Variants in LRRC7 observed in about 807,000 individuals in gnomAD.
LRRC7 encodes leucine-rich repeat-containing protein 7.
In LRRC7, 23 loss-of-function variants were observed where a neutral mutation model predicts 175.7. The observed-to-expected ratio is 0.13, with a 90% CI of 0.09 to 0.19. The LOEUF (loss-of-function observed/expected upper bound fraction) is 0.19, where lower values mean the gene tolerates loss of function less well. LRRC7 is among the 10% of genes least tolerant of loss of function. The pLI is 1.00. For synonymous variants in LRRC7, 685 were observed against 680.9 expected, an observed-to-expected ratio of 1.01 and a Z score of -0.09; for missense variants, 1,354 against 1,904.7, an observed-to-expected ratio of 0.71 and a Z score of 5.38.
rs542229366 is a variant in LRRC7 at position 69,830,304 on chromosome 1, T to G, written c.501-4476T>G. On this transcript the variant is annotated intron_variant, in intron 5 of 26. Transcript: ENST00000651989. Reference sequence around the variant, plus strand: ...AGTAGAGTGACCAAGTGTCTCTGTTTGCCCAAATCATCTCTGTTTACTATT... The same window carrying G: ...AGTAGAGTGACCAAGTGTCTCTGTTGGCCCAAATCATCTCTGTTTACTATT... 7.2e-5 allele frequency among the ~76,000 whole-genome samples: 11 copies of G among 151,968 alleles called. No homozygotes were observed. The South Asian group carries it at 2.3e-3, about 32-fold the overall frequency.
At chr1:69,807,623 C>T (rs922820252) in intron 4 of LRRC7, among the ~76,000 whole-genome samples, 1 of 151,982 alleles carries the variant, frequency 6.6e-6, no homozygotes, top group African/African-American at 2.4e-5. Context: ...TGAATATTGC[C>T]CCCGACTCTC....
intron 1 of LRRC7, among the ~76,000 whole-genome samples, chr1:69,570,727 T>C (rs1381303690): frequency 6.6e-6 from 1 of 152,182 alleles, no homozygotes; most frequent in African/African-American, 2.4e-5. Context: ...AATGAAGTCT[T>C]TACTTTTTAG....
intron 7 of LRRC7, chr1:69,919,788 G>A (rs1056413477): frequency 1.1e-6 from 1 of 869,836 alleles, no homozygotes; most frequent in Middle Eastern, 2.3e-4. Context: ...GGGGAGATGA[G>A]CGGGACAGTG....
chr1:69,936,463 TTTAA>T (rs1195500722), intron 8 of LRRC7, among the ~76,000 whole-genome samples: 5 of 152,358 alleles, frequency 3.3e-5, no homozygotes, highest in Non-Finnish European at 7.3e-5. Context: ...TTCACACATT[TTTAA>T]TTAATTTGTT....
intron 6 of LRRC7, among the ~76,000 whole-genome samples, chr1:69,836,538 A>G (rs1029595911): frequency 6.6e-6 from 1 of 152,022 alleles, no homozygotes. Flanking sequence ...TACCAATACC[A>G]AAACCACTTG....
intron 4 of LRRC7, among the ~76,000 whole-genome samples, chr1:69,814,177 G>A (rs1913268): frequency 0.64 from 96,810 of 151,754 alleles, 31,132 homozygotes; most frequent in East Asian, 0.78. Flanking sequence ...TGCATAATGG[G>A]TTAAAAAAGA....
At chr1:69,573,718 T>A (rs1645831072) in intron 1 of LRRC7, among the ~76,000 whole-genome samples, 1 of 152,076 alleles carries the variant, frequency 6.6e-6, no homozygotes, top group Non-Finnish European at 1.5e-5. Context: ...AATACATTAA[T>A]AACCCAAAGG....
Position 70,038,551 on chromosome 1 carries a change from G to T in LRRC7, c.2727G>T (p.Leu909Phe), listed in dbSNP as rs561433206. 1 of 1,614,048 alleles carries T rather than the reference G, an allele frequency of 6.2e-7. No individual in the cohort carries two copies. The highest frequency in any genetic ancestry group is 8.5e-7 in the Non-Finnish European group (1 of 1,179,996). ...AGACAACCCCCACTACCAGCCCATTGCCTGAAAGGAAAGAACATATAAAGG... is the reference window on the plus strand; with the variant it reads ...AGACAACCCCCACTACCAGCCCATTTCCTGAAAGGAAAGAACATATAAAGG... ...KLETTPTTSP[L>F]PERKEHIKES... is the part of the protein sequence containing the mutation. The change falls in exon 21 of 27, where the codon TTG becomes TTT. Residue 909 changes from leucine (L) to phenylalanine (F), a missense_variant. Transcript: ENST00000651989.
chr1:70,003,649 T>C (rs1293431521), intron 11 of LRRC7, among the ~76,000 whole-genome samples: 1 of 152,182 alleles, frequency 6.6e-6, no homozygotes, highest in Non-Finnish European at 1.5e-5. Flanking sequence ...CCACTAATGA[T>C]ATCCATTTAA....
intron 4 of LRRC7, among the ~76,000 whole-genome samples, chr1:69,817,998 G>A (rs911627914): frequency 1.3e-5 from 2 of 152,000 alleles, no homozygotes. Flanking sequence ...TTGCTTAATA[G>A]TTCTAATAGT....
intron 8 of LRRC7, among the ~76,000 whole-genome samples, chr1:69,960,234 A>G (rs1032008828): frequency 1.3e-5 from 2 of 152,070 alleles, no homozygotes; most frequent in Admixed American, 6.6e-5. Context: ...GAGTCCAGGA[A>G]GTTATCCATT....
chr1:69,909,280 A>G (rs1217164420), intron 7 of LRRC7, among the ~76,000 whole-genome samples: 1 of 152,060 alleles, frequency 6.6e-6, no homozygotes, highest in African/African-American at 2.4e-5. Context: ...TTTAAAATTA[A>G]TATTGTTATG....
At position 70,128,051 on chromosome 1, in the gene LRRC7, T is replaced by A. The variant is rs955335132; in HGVS notation, c.*6164T>A. 2.6e-5 allele frequency among the ~76,000 whole-genome samples: 4 copies of A among 152,178 alleles called. No individual in the cohort carries two copies. Among genetic ancestry groups the A allele is most frequent in the Non-Finnish European group, 5.9e-5 (4 of 68,028 alleles). On this transcript the variant is annotated 3_prime_UTR_variant, in exon 27 of 27. Transcript: ENST00000651989. The stretch of plus-strand genomic sequence containing the variant: ...ATCTTGGCTCACTGTAACTTCCACC[T>A]CCCGAGTTCAGGCAATTCTCATGTC...
At chr1:69,660,692 C>T (rs911700720) in intron 1 of LRRC7, among the ~76,000 whole-genome samples, 23 of 151,966 alleles carry the variant, frequency 1.5e-4, no homozygotes, top group Admixed American at 8.5e-4. Context: ...AGAATATTGT[C>T]TATGCTCAAG....
chr1:69,815,696 G>T (rs1487199604), intron 4 of LRRC7, among the ~76,000 whole-genome samples: 2 of 152,130 alleles, frequency 1.3e-5, no homozygotes, highest in African/African-American at 4.8e-5. Context: ...AGTCTGTTCA[G>T]GGGGCTATAA....
chr1:69,651,205 A>G (rs1247559512), intron 1 of LRRC7, among the ~76,000 whole-genome samples: 2 of 152,308 alleles, frequency 1.3e-5, no homozygotes, highest in South Asian at 4.1e-4. Context: ...TCAAATCTGC[A>G]TATTTATTTA....
chr1:69,841,555 A>G (rs1216934883), intron 7 of LRRC7, among the ~76,000 whole-genome samples: 1 of 152,118 alleles, frequency 6.6e-6, no homozygotes, highest in African/African-American at 2.4e-5. Flanking sequence ...CAGATGCAGA[A>G]GGCCGATGCA....
In LRRC7 at chr1:69,623,407, T is replaced by C. The variant is rs577028288; in HGVS notation, c.2+54766T>C. On this transcript the variant is annotated intron_variant, in intron 1 of 26. Coordinates refer to ENST00000651989, the MANE Select transcript of LRRC7 (RefSeq NM_001370785.2). ...GAGAAAATGAACATTTTAATCTGAA[T>C]TCCAAAGATACATAGCTCTGCTATG... 1.5e-3 allele frequency among the ~76,000 whole-genome samples: 230 copies of C among 151,928 alleles called. 1 individual carries two copies. The highest frequency in any genetic ancestry group is 2.9e-3 in the Non-Finnish European group (198 of 67,944).
Position 70,099,587 on chromosome 1 carries a change from G to T in LRRC7, c.4546-8165G>T, listed in dbSNP as rs534852484. Among the ~76,000 whole-genome samples the T allele has an allele frequency of 3.3e-5, 5 of 152,278 alleles. No individual in the cohort carries two copies. In the South Asian group the frequency reaches 1.0e-3, roughly 32 times the overall value. Reference sequence around the variant, plus strand: ...TCTTGAATTTTTCACTTTTCAATTTGTGATTTTAAAATAGTGCAGATAGTG... The same window carrying T: ...TCTTGAATTTTTCACTTTTCAATTTTTGATTTTAAAATAGTGCAGATAGTG... On this transcript the variant is annotated intron_variant, in intron 25 of 26. Transcript: ENST00000651989.
Sources: gnomAD v4.1 joint callset for allele counts (sites outside exome capture counted in the v4.1 genomes callset) on GRCh38, gnomAD v4.1.1 for gene constraint, MANE v1.5 for transcripts, NCBI Gene and HGNC (gene_info 2026-07-23, HGNC 2026-07-21) for gene names.